The following SPAG16 variants were observed in gnomAD, a reference collection of about 807,000 sequenced individuals.
SPAG16 encodes the protein sperm-associated antigen 16 protein.
SPAG16 carries 86 observed loss-of-function variants against 80.4 expected under a neutral mutation model. The observed-to-expected ratio is 1.07, with a 90% CI of 0.90 to 1.28. The LOEUF is 1.28. Among genes scored for constraint, SPAG16 ranks in the 50% most tolerant of loss-of-function variants. The pLI, the probability that SPAG16 is intolerant of heterozygous loss-of-function variation, is 0.00. For missense variants in SPAG16, 870 were observed against 765.3 expected (o/e 1.14, Z -1.61); for synonymous variants, 294 against 265.9 (o/e 1.11, Z -1.03).
chr2:214,340,814 C>G (rs573649446), intron 15 of SPAG16, among the ~76,000 whole-genome samples: 1 of 152,300 alleles, frequency 6.6e-6, no homozygotes, highest in African/African-American at 2.4e-5. Context: ...CATCCACCCT[C>G]TCTGCCCCAC....
chr2:213,359,719 C>T (rs549914387), intron 7 of SPAG16, among the ~76,000 whole-genome samples: 3 of 152,252 alleles, frequency 2.0e-5, no homozygotes, highest in Admixed American at 2.0e-4. Flanking sequence ...TCCCCCAACC[C>T]CTTGCACTCC....
chr2:214,072,805 T>C (rs2050853571), intron 13 of SPAG16, among the ~76,000 whole-genome samples: 3 of 152,238 alleles, frequency 2.0e-5, no homozygotes, highest in South Asian at 2.1e-4. Flanking sequence ...AAAATAAAAA[T>C]GTAATGTATT....
intron 15 of SPAG16, among the ~76,000 whole-genome samples, chr2:214,376,277 T>C (rs1205824710): frequency 6.6e-6 from 1 of 152,172 alleles, no homozygotes; most frequent in East Asian, 1.9e-4. Context: ...TACAAGAGAC[T>C]GTGAAATCTA....
At chr2:213,512,833 A>G (rs1665561515) in intron 10 of SPAG16, among the ~76,000 whole-genome samples, 4 of 152,226 alleles carry the variant, frequency 2.6e-5, no homozygotes, top group Admixed American at 2.6e-4. Context: ...CATTGACTTG[A>G]AAGAGACTGC....
At chr2:213,676,658 T>C (rs1403758172) in intron 10 of SPAG16, among the ~76,000 whole-genome samples, 1 of 152,192 alleles carries the variant, frequency 6.6e-6, no homozygotes. Context: ...TTTTTGTCTT[T>C]GATTCTGCTT....
At chr2:214,405,045 G>A (rs1398178816) in intron 15 of SPAG16, among the ~76,000 whole-genome samples, 1 of 152,058 alleles carries the variant, frequency 6.6e-6, no homozygotes, top group Non-Finnish European at 1.5e-5. Flanking sequence ...TTAAAGTTAA[G>A]AACTTATGCA....
At chr2:214,344,848 A>G (rs569895982) in intron 15 of SPAG16, among the ~76,000 whole-genome samples, 59 of 152,266 alleles carry the variant, frequency 3.9e-4, no homozygotes, top group African/African-American at 1.4e-3. Context: ...ATTGCTCCTC[A>G]TCTCATATGG....
Position 213,387,431 on chromosome 2 carries a change from CTTTTTTTTTTTT to C in SPAG16, c.942+12330_942+12341del, listed in dbSNP as rs71060428. ...TTTGGGTTGGAATGAAATGCATGCT[CTTTTTTTTTTTT>C]TTTTTTTTTTTTTTTTTGAGACAGA... On this transcript the variant is annotated intron_variant, in intron 9 of 15. Coordinates refer to ENST00000331683, the MANE Select transcript of SPAG16 (RefSeq NM_024532.5). 2.3e-4 allele frequency among the ~76,000 whole-genome samples: 11 copies of C among 47,916 alleles called. No homozygotes were observed. The South Asian group carries it at 4.1e-3, about 18-fold the overall frequency. The allele number at this position is 47,916 out of a possible 152,430, so 31.4% of individuals were successfully genotyped here.
intron 13 of SPAG16, among the ~76,000 whole-genome samples, chr2:214,029,616 AAG>A (rs1491082918): frequency 2.4e-5 from 3 of 124,486 alleles, no homozygotes; most frequent in Admixed American, 9.1e-5. Flanking sequence ...AAACACACAA[AAG>A]AAAAGAATGT....
intron 12 of SPAG16, among the ~76,000 whole-genome samples, chr2:213,966,262 C>T (rs749710531): frequency 6.6e-6 from 1 of 152,142 alleles, no homozygotes; most frequent in Non-Finnish European, 1.5e-5. Context: ...GTCATGGTCT[C>T]TTACTGTTCT....
chr2:213,584,040 C>T (rs538578899), intron 10 of SPAG16, among the ~76,000 whole-genome samples: 4 of 152,302 alleles, frequency 2.6e-5, no homozygotes, highest in African/African-American at 4.8e-5. Flanking sequence ...TAAACTTTAA[C>T]AAGATTATAG....
chr2:213,523,719 G>T (rs1559218794), intron 10 of SPAG16, among the ~76,000 whole-genome samples: 1 of 152,176 alleles, frequency 6.6e-6, no homozygotes, highest in Non-Finnish European at 1.5e-5. Flanking sequence ...TAAGGAACTT[G>T]GGAACTGAAG....
chr2:214,054,390 C>T lies in SPAG16; in HGVS notation c.1527+40313C>T, dbSNP rs139051743. On this transcript the variant is annotated intron_variant, in intron 13 of 15. Transcript: ENST00000331683. Reference sequence around the variant, plus strand: ...AAGTAACAATTAAAATCTCAGAGAGCGTTCATAATTCAAGCTTTTATTTAT... The same window carrying T: ...AAGTAACAATTAAAATCTCAGAGAGTGTTCATAATTCAAGCTTTTATTTAT... Among the ~76,000 whole-genome samples the T allele has an allele frequency of 2.3e-3, 355 of 152,254 alleles. 1 individual carries two copies. The highest frequency in any genetic ancestry group is 8.2e-3 in the African/African-American group (340 of 41,560).
chr2:214,081,208 T>C (rs376170360), intron 13 of SPAG16, among the ~76,000 whole-genome samples: 2 of 152,084 alleles, frequency 1.3e-5, no homozygotes, highest in East Asian at 1.9e-4. Flanking sequence ...CTAAGTAACA[T>C]ACTTCCAGAA....
intron 12 of SPAG16, among the ~76,000 whole-genome samples, chr2:213,949,968 A>C (rs996837545): frequency 2.0e-5 from 3 of 152,202 alleles, no homozygotes; most frequent in Non-Finnish European, 2.9e-5. Flanking sequence ...TGTTCAGATG[A>C]CAGAAAAATC....
At chr2:213,349,250 C>G (rs1390670629) in intron 6 of SPAG16, among the ~76,000 whole-genome samples, 4 of 151,864 alleles carry the variant, frequency 2.6e-5, no homozygotes, top group African/African-American at 4.8e-5. Context: ...AGTTTTAAAA[C>G]CAATGATGTC....
intron 15 of SPAG16, among the ~76,000 whole-genome samples, chr2:214,151,199 A>G (rs1003632814): frequency 6.6e-6 from 1 of 152,076 alleles, no homozygotes; most frequent in Admixed American, 6.6e-5. Context: ...GTGCTTCTGT[A>G]CAAGACAAGT....
chr2:213,966,239 T>C (rs1178337493), intron 12 of SPAG16, among the ~76,000 whole-genome samples: 1 of 152,152 alleles, frequency 6.6e-6, no homozygotes, highest in Non-Finnish European at 1.5e-5. Flanking sequence ...CTGAGAACAA[T>C]TGTAACTCAA....
intron 9 of SPAG16, among the ~76,000 whole-genome samples, chr2:213,431,812 C>A (rs1451127719): frequency 6.6e-6 from 1 of 151,904 alleles, no homozygotes; most frequent in African/African-American, 2.4e-5. Context: ...TTCTCATCAG[C>A]GCATGCAGCA....
Sources: gnomAD v4.1 joint callset for allele counts (sites outside exome capture counted in the v4.1 genomes callset) on GRCh38, gnomAD v4.1.1 for gene constraint, MANE v1.5 for transcripts, NCBI Gene and HGNC (gene_info 2026-07-23, HGNC 2026-07-21) for gene names.